Variants in PITRM1 observed in about 807,000 individuals in gnomAD.
PITRM1 encodes pitrilysin metallopeptidase 1.
In PITRM1, 100 loss-of-function variants were observed where a neutral mutation model predicts 129.9. The ratio of observed to expected loss-of-function variants is 0.77; its 90% CI spans 0.65 to 0.91. The LOEUF (loss-of-function observed/expected upper bound fraction) is 0.91, where lower values mean the gene tolerates loss of function less well. Among genes scored for constraint, PITRM1 ranks in the 40% least tolerant of loss-of-function variants. PITRM1 has a pLI of 0.00. For synonymous variants in PITRM1, 591 were observed against 508.8 expected (o/e 1.16, Z -2.17); for missense variants, 1,471 against 1,318.3 (o/e 1.12, Z -1.79).
In PITRM1 at chr10:3,156,944, T is replaced by C. The variant is rs372192780; in HGVS notation, c.1468A>G (p.Lys490Glu). 1.3e-6 allele frequency: 2 copies of C among 1,573,006 alleles called. No homozygotes were observed. Among genetic ancestry groups the C allele is most frequent in the Non-Finnish European group, 1.7e-6 (2 of 1,162,136 alleles). Residue 490 changes from lysine (K) to glutamate (E), a missense_variant, in exon 13 of 27, where the codon AAA becomes GAA. Coordinates refer to ENST00000224949, the MANE Select transcript of PITRM1 (RefSeq NM_014889.4). Reference protein sequence around the residue: ...ENPKFLQEKVKQYFKNNQHKL... With the variant: ...ENPKFLQEKVEQYFKNNQHKL... ...AACTTTCTTACCTTAAAATACTGTT[T>C]TACTTTTTCTTGCAAAAATTTTGGA... is the stretch of plus-strand genomic sequence containing the variant.
At chr10:3,141,740 A>C (rs1326189949) in intron 23 of PITRM1, 3 of 455,700 alleles carry the variant, frequency 6.6e-6, no homozygotes, top group Admixed American at 2.5e-5. Flanking sequence ...GCCTTTTCCT[A>C]AAGTGGATGA....
Position 3,147,188 on chromosome 10 carries a change from C to T in PITRM1, c.2298G>A (p.Pro766=), listed in dbSNP as rs3740607. The stretch of plus-strand genomic sequence containing the variant: ...CATTTAACAAGTGTTTCTTGATACG[C>T]GGGAGCTTCCTCAGGATGGGTTTGA... The part of the protein sequence containing the change: ...TDIKPILRKL[P]RIKKHLLNGD... Residue 766 remains proline, a synonymous_variant, in exon 20 of 27, where the codon CCG becomes CCA. Coordinates refer to ENST00000224949, the MANE Select transcript of PITRM1 (RefSeq NM_014889.4). 815,767 of 1,603,530 alleles carry T rather than the reference C, an allele frequency of 0.51. 209,819 individuals carry two copies. The highest frequency in any genetic ancestry group is 0.7 in the East Asian group (31,183 of 44,784).
At chr10:3,150,298 G>A (rs1841381574) in intron 15 of PITRM1, among the ~76,000 whole-genome samples, 1 of 152,194 alleles carries the variant, frequency 6.6e-6, no homozygotes. Flanking sequence ...AAGGATGACT[G>A]ATTTATTCTC....
intron 23 of PITRM1, among the ~76,000 whole-genome samples, chr10:3,142,786 G>A (rs1037346997): frequency 3.3e-5 from 5 of 152,198 alleles, no homozygotes; most frequent in African/African-American, 1.2e-4. Flanking sequence ...ACTCCTTAGA[G>A]GGACTGTGAG....
chr10:3,166,942 AG>A lies in PITRM1; in HGVS notation c.259del (p.Leu87CysfsTer41). The A allele has an allele frequency of 2.5e-6, 4 of 1,584,470 alleles. No individual in the cohort carries two copies. The East Asian group carries it at 8.9e-5, about 35-fold the overall frequency. On this transcript the variant is annotated frameshift_variant, in exon 3 of 27. Coordinates refer to ENST00000224949, the MANE Select transcript of PITRM1 (RefSeq NM_014889.4). LOFTEE classifies it high-confidence loss of function. ...CTTACAATGCACCACACACCTGAAC[AG>A]ATTATTCGTGTCTTCTCTGGCCAGG... ...LHLAREDTNN[L>X]FSVQFRTTPM...
chr10:3,151,541 G>A (rs1202274833), intron 14 of PITRM1, among the ~76,000 whole-genome samples, 178 bp from the exon 15 acceptor site: 4 of 152,148 alleles, frequency 2.6e-5, no homozygotes, highest in Non-Finnish European at 5.9e-5. Context: ...ATATTTAGAC[G>A]CACTAATAAC....
At chr10:3,155,236 C>T (rs1324658753) in intron 14 of PITRM1, among the ~76,000 whole-genome samples, 3 of 152,228 alleles carry the variant, frequency 2.0e-5, no homozygotes, top group African/African-American at 7.2e-5. Flanking sequence ...AGACAGGCCT[C>T]TTCCCAACAC....
At position 3,157,517 on chromosome 10, in the gene PITRM1, T is replaced by C; in HGVS notation, c.1265A>G (p.Asp422Gly). 1.3e-6 allele frequency: 2 copies of C among 1,599,102 alleles called. No homozygotes were observed. Among genetic ancestry groups the C allele is most frequent in the Non-Finnish European group, 1.7e-6 (2 of 1,168,418 alleles). ...IDEVVEKGFE[D>G]DRIEALLHKI... ...ATGAAGTAAAGCCTCAATTCGATCATCTTCAAATCCTTTCCTAAAGAATAC... is the reference window on the plus strand; with the variant it reads ...ATGAAGTAAAGCCTCAATTCGATCACCTTCAAATCCTTTCCTAAAGAATAC... The change falls in exon 12 of 27, where the codon GAT becomes GGT. Residue 422 changes from aspartate to glycine, a missense_variant. Transcript: ENST00000224949.
intron 2 of PITRM1, among the ~76,000 whole-genome samples, chr10:3,168,915 TAC>T (rs61366911): frequency 0.077 from 10,871 of 141,640 alleles, 455 homozygotes; most frequent in African/African-American, 0.11. Flanking sequence ...AGTTTCCATC[TAC>T]ACACACACAC....
chr10:3,164,023 TA>T (rs5782688), intron 6 of PITRM1, 138 bp from the exon 7 acceptor site: 32,827 of 331,092 alleles, frequency 0.099, 12 homozygotes, highest in Middle Eastern at 0.15. Context: ...TCTAATGGTT[TA>T]AAAAAAAAAA....
At chr10:3,145,952 C>G (rs558516108) in intron 20 of PITRM1, 2 of 504,054 alleles carry the variant, frequency 4.0e-6, no homozygotes, top group East Asian at 7.3e-5. Context: ...ATACGCGGAG[C>G]CTGTGACTCT....
chr10:3,171,368 A>G (rs1274498357), intron 1 of PITRM1, among the ~76,000 whole-genome samples: 1 of 149,698 alleles, frequency 6.7e-6, no homozygotes, highest in Non-Finnish European at 1.5e-5. Context: ...ACATTTCTGT[A>G]TGTTATGACC....
chr10:3,171,194 T>C (rs1254342692), intron 1 of PITRM1, among the ~76,000 whole-genome samples: 1 of 52,414 alleles, frequency 1.9e-5, no homozygotes, highest in African/African-American at 7.4e-5. Context: ...ACCTTACCAA[T>C]ATAAGGGCCT....
intron 23 of PITRM1, among the ~76,000 whole-genome samples, 181 bp from the exon 24 acceptor site, chr10:3,140,993 G>A (rs10903975): frequency 0.19 from 29,003 of 152,180 alleles, 3,345 homozygotes; most frequent in Non-Finnish European, 0.26. Context: ...CCAGGCTGGA[G>A]TGCATTAGTG....
chr10:3,137,989 T>C lies in PITRM1; in HGVS notation c.*42A>G. 1 of 1,100,190 alleles carries C rather than the reference T, an allele frequency of 9.1e-7. No individual in the cohort carries two copies. The highest frequency in any genetic ancestry group is 1.4e-6 in the Non-Finnish European group (1 of 732,272). The allele number at this position is 1,100,190 out of a possible 1,614,324, so 68.2% of individuals were successfully genotyped here. Reference sequence around the variant, plus strand: ...TGACTTTTCATATTCAGCTCGGAGGTGTATTGTCTCGGGCTCCTGTGCAGT... The same window carrying C: ...TGACTTTTCATATTCAGCTCGGAGGCGTATTGTCTCGGGCTCCTGTGCAGT... On this transcript the variant is annotated 3_prime_UTR_variant, in exon 27 of 27. Transcript: ENST00000224949.
chr10:3,140,787 T>C lies in PITRM1; in HGVS notation c.2671A>G (p.Thr891Ala). 1 of 1,587,964 alleles carries C rather than the reference T, an allele frequency of 6.3e-7. No individual in the cohort carries two copies. Among genetic ancestry groups the C allele is most frequent in the Non-Finnish European group, 8.6e-7 (1 of 1,165,748 alleles). ...ATTTCTGTATGCAAGAATTTGGCAGTCATCAAACGTGCAAGGATTTTAAGA... is the reference window on the plus strand; with the variant it reads ...ATTTCTGTATGCAAGAATTTGGCAGCCATCAAACGTGCAAGGATTTTAAGA... ...ASLKILARLMTAKFLHTEIRE... is the reference protein window; with the variant it reads ...ASLKILARLMAAKFLHTEIRE... The change falls in exon 24 of 27, where the codon ACT (threonine) becomes GCT (alanine). Residue 891 changes from threonine (T) to alanine (A), a missense_variant. Thr to Ala is a moderately conservative substitution (Grantham distance 58). Transcript: ENST00000224949.
At chr10:3,161,019 C>T (rs1842402706) in intron 7 of PITRM1, among the ~76,000 whole-genome samples, 1 of 152,146 alleles carries the variant, frequency 6.6e-6, no homozygotes, top group African/African-American at 2.4e-5. Context: ...TCTCAGCCTC[C>T]CAAAGTGCTG....
Position 3,138,250 on chromosome 10 carries a change from A to T in PITRM1, c.3005T>A (p.Leu1002Gln). 1.9e-6 allele frequency: 3 copies of T among 1,613,104 alleles called. No homozygotes were observed. The African/African-American group carries it at 4.0e-5, about 22-fold the overall frequency. Residue 1002 changes from leucine (L) to glutamine (Q), a missense_variant, in exon 26 of 27, where the codon CTG becomes CAG. Leu to Gln is a moderately radical substitution (Grantham distance 113). Transcript: ENST00000224949. ...CCCCACTCACCTATCGCTCACGGCC[A>T]GGAGCTTGTCGTGGCTGACAGCAAA... ...QLFAVSHDKL[L>Q]AVSDRYLGTG...
At chr10:3,172,685 C>T (rs757681255) in intron 1 of PITRM1, 32 bp downstream of exon 1, 1 of 1,526,474 alleles carries the variant, frequency 6.6e-7, no homozygotes, top group Non-Finnish European at 8.8e-7. Context: ...CGGGTACCAG[C>T]GCGCCGAGCG....
Sources: allele counts gnomAD v4.1 joint callset (sites outside exome capture counted in the v4.1 genomes callset), GRCh38; gene constraint gnomAD v4.1.1; transcripts MANE v1.5; gene names NCBI Gene and HGNC (gene_info 2026-07-23, HGNC 2026-07-21).